Variants in MEOX2 observed in about 807,000 individuals in gnomAD.
MEOX2 encodes mesenchyme homeobox 2, also known as homeobox protein MOX-2.
A neutral mutation model predicts 27.0 loss-of-function variants in MEOX2; 11 were observed. That is an observed-to-expected ratio of 0.41 (90% CI 0.26 to 0.68). The LOEUF (loss-of-function observed/expected upper bound fraction) is 0.68. Ranked by LOEUF, MEOX2 falls within the 30% of genes least tolerant of loss-of-function variation. The pLI is 0.33. For missense variants in MEOX2, 436 were observed against 385.4 expected, an observed-to-expected ratio of 1.13 and a Z score of -1.10; for synonymous variants, 189 against 155.4, an observed-to-expected ratio of 1.22 and a Z score of -1.61.
At chr7:15,612,846 A>T (rs1189990820) in intron 2 of MEOX2, among the ~76,000 whole-genome samples, 1 of 152,240 alleles carries the variant, frequency 6.6e-6, no homozygotes, top group Non-Finnish European at 1.5e-5. Flanking sequence ...ATTTTACAGC[A>T]TACAATGTAA....
chr7:15,663,509 T>A (rs1052794551), intron 1 of MEOX2, among the ~76,000 whole-genome samples: 1 of 9,898 alleles, frequency 1.0e-4, no homozygotes, highest in African/African-American at 3.0e-4. Flanking sequence ...ATTTTTGTAT[T>A]TTTTTTTTTT....
chr7:15,658,119 G>A (rs1298142640), intron 1 of MEOX2, among the ~76,000 whole-genome samples: 1 of 152,228 alleles, frequency 6.6e-6, no homozygotes, highest in Non-Finnish European at 1.5e-5. Flanking sequence ...AACACTGTGT[G>A]GTTCTGAAAG....
intron 1 of MEOX2, among the ~76,000 whole-genome samples, chr7:15,634,776 G>A (rs941408206): frequency 5.9e-5 from 9 of 151,958 alleles, no homozygotes; most frequent in African/African-American, 2.2e-4. Context: ...CCAATGACGA[G>A]ATTATTTGCA....
chr7:15,636,419 A>T (rs945680753), intron 1 of MEOX2, among the ~76,000 whole-genome samples: 1 of 152,092 alleles, frequency 6.6e-6, no homozygotes, highest in African/African-American at 2.4e-5. Flanking sequence ...TTATTATAAA[A>T]TACCAAACAA....
chr7:15,666,769 AAAAAAAAAAAAT>A (rs1468173397), intron 1 of MEOX2, among the ~76,000 whole-genome samples: 63 of 81,220 alleles, frequency 7.8e-4, no homozygotes, highest in East Asian at 2.8e-3. Context: ...AAAAAAAAAA[AAAAAAAAAAAAT>A]ATATATATAT....
At chr7:15,683,345 C>G (rs1782322221) in intron 1 of MEOX2, among the ~76,000 whole-genome samples, 1 of 151,896 alleles carries the variant, frequency 6.6e-6, no homozygotes. Flanking sequence ...TATAAACTAC[C>G]TAACAAAATA....
intron 1 of MEOX2, among the ~76,000 whole-genome samples, chr7:15,648,313 A>G (rs1781680601): frequency 6.6e-6 from 1 of 152,108 alleles, no homozygotes; most frequent in African/African-American, 2.4e-5. Flanking sequence ...TAACCCTACA[A>G]TCGTAATAAA....
chr7:15,622,304 T>C (rs964093063), intron 2 of MEOX2, among the ~76,000 whole-genome samples: 1 of 152,176 alleles, frequency 6.6e-6, no homozygotes. Flanking sequence ...TGTTTGCATA[T>C]GTGTATATTT....
At chr7:15,651,005 A>C (rs1427896480) in intron 1 of MEOX2, among the ~76,000 whole-genome samples, 1 of 152,006 alleles carries the variant, frequency 6.6e-6, no homozygotes, top group Non-Finnish European at 1.5e-5. Context: ...TGCGGAATGT[A>C]CTGGGAACAC....
intron 2 of MEOX2, among the ~76,000 whole-genome samples, chr7:15,614,103 A>G (rs989941688): frequency 6.6e-5 from 10 of 151,516 alleles, no homozygotes; most frequent in African/African-American, 2.4e-4. Flanking sequence ...AAAAAAATCT[A>G]TTTTCTGAAG....
At chr7:15,619,639 T>C (rs1384851289) in intron 2 of MEOX2, among the ~76,000 whole-genome samples, 1 of 151,950 alleles carries the variant, frequency 6.6e-6, no homozygotes, top group African/African-American at 2.4e-5. Context: ...TATACACAGA[T>C]ATGTGTGTGT....
chr7:15,642,886 G>A (rs1371079070), intron 1 of MEOX2, among the ~76,000 whole-genome samples: 2 of 152,120 alleles, frequency 1.3e-5, no homozygotes, highest in Non-Finnish European at 2.9e-5. Context: ...CTTGGCTGTA[G>A]AGAACCTTAG....
intron 1 of MEOX2, among the ~76,000 whole-genome samples, chr7:15,671,312 G>A (rs1277357009): frequency 6.6e-6 from 1 of 152,098 alleles, no homozygotes; most frequent in Non-Finnish European, 1.5e-5. Flanking sequence ...CTGTTCTTAT[G>A]AACTAAAGAA....
chr7:15,683,073 A>G (rs1782318285), intron 1 of MEOX2, among the ~76,000 whole-genome samples: 1 of 152,044 alleles, frequency 6.6e-6, no homozygotes, highest in South Asian at 2.1e-4. Context: ...GTGGAGGGAA[A>G]GTGCATAAAA....
At chr7:15,630,901 T>C (rs958254075) in intron 1 of MEOX2, among the ~76,000 whole-genome samples, 2 of 151,950 alleles carry the variant, frequency 1.3e-5, no homozygotes, top group African/African-American at 2.4e-5. Context: ...TCTCAGTGTT[T>C]CTTCTTTTTT....
chr7:15,677,308 A>G (rs753151475), intron 1 of MEOX2, among the ~76,000 whole-genome samples: 19 of 152,316 alleles, frequency 1.2e-4, no homozygotes, highest in Non-Finnish European at 2.4e-4. Context: ...TGCTTTGTGT[A>G]TATTAACTCA....
At chr7:15,624,845 C>T (rs1781274149) in intron 2 of MEOX2, among the ~76,000 whole-genome samples, 1 of 152,154 alleles carries the variant, frequency 6.6e-6, no homozygotes, top group African/African-American at 2.4e-5. Context: ...TTTAAAACAA[C>T]ATTAAAATAG....
At chr7:15,663,050 A>T (rs984588122) in intron 1 of MEOX2, among the ~76,000 whole-genome samples, 1 of 152,194 alleles carries the variant, frequency 6.6e-6, no homozygotes, top group African/African-American at 2.4e-5. Context: ...TCATTCTCAC[A>T]TCTATAAATA....
intron 1 of MEOX2, among the ~76,000 whole-genome samples, chr7:15,635,836 A>G (rs1398633669): frequency 2.0e-5 from 3 of 151,990 alleles, no homozygotes; most frequent in Admixed American, 6.6e-5. Flanking sequence ...CGAAGCTGAA[A>G]GTTTAATTAC....
Sources: allele counts gnomAD v4.1 joint callset (sites outside exome capture counted in the v4.1 genomes callset), GRCh38; gene constraint gnomAD v4.1.1; transcripts MANE v1.5; gene names NCBI Gene and HGNC (gene_info 2026-07-23, HGNC 2026-07-21).